The following KAT14 variants were observed in gnomAD, a reference collection of about 807,000 sequenced individuals.
KAT14 encodes the protein cysteine-rich protein 2-binding protein.
A neutral mutation model predicts 78.4 loss-of-function variants in KAT14; 66 were observed. The ratio of observed to expected loss-of-function variants is 0.84; its 90% CI spans 0.69 to 1.03. The LOEUF is 1.03. Ranked by LOEUF, KAT14 falls within the 50% of genes least tolerant of loss-of-function variation. The probability of loss-of-function intolerance (pLI) is 0.00; values close to 1 mark genes in which losing one functional copy is unlikely to be tolerated. For missense variants in KAT14, 870 were observed against 972.5 expected, an observed-to-expected ratio of 0.89 and a Z score of 1.40; for synonymous variants, 344 against 359.4, an observed-to-expected ratio of 0.96 and a Z score of 0.48.
Position 18,162,782 on chromosome 20 carries a change from A to T in KAT14, c.1505A>T (p.Asp502Val), listed in dbSNP as rs1456882776. The change falls in exon 7 of 11, where the codon GAT becomes GTT. Residue 502 changes from aspartate to valine, a missense_variant. Coordinates refer to ENST00000688188, the MANE Select transcript of KAT14 (RefSeq NM_001392073.1). Reference protein sequence around the residue: ...RKLIVRQAKRDRGLPLFDLDQ... With the variant: ...RKLIVRQAKRVRGLPLFDLDQ... ...CTGATTGTCAGACAAGCGAAAAGGGATAGGGGATTACCACTTTTTGACTTG... is the reference window on the plus strand; with the variant it reads ...CTGATTGTCAGACAAGCGAAAAGGGTTAGGGGATTACCACTTTTTGACTTG... 1.9e-6 allele frequency: 3 copies of T among 1,614,190 alleles called. No homozygotes were observed. Among genetic ancestry groups the T allele is most frequent in the Admixed American group, 1.7e-5 (1 of 60,026 alleles).
At chr20:18,138,334 A>G (rs1228384920) in intron 1 of KAT14, 3 of 1,122,828 alleles carry the variant, frequency 2.7e-6, no homozygotes, top group Non-Finnish European at 3.3e-6. Context: ...TGCTCCGCAC[A>G]GGCACGGCAC....
intron 2 of KAT14, chr20:18,143,208 A>G (rs1229466819): frequency 1.8e-6 from 2 of 1,123,312 alleles, no homozygotes; most frequent in Non-Finnish European, 2.2e-6. Flanking sequence ...TTTTTCTAAC[A>G]AGGTCACAGA....
At position 18,143,789 on chromosome 20, in the gene KAT14, G is replaced by A. The variant is rs778561739; in HGVS notation, c.259+870G>A. 7.2e-5 allele frequency among the ~76,000 whole-genome samples: 11 copies of A among 151,950 alleles called. No individual in the cohort carries two copies. The East Asian group carries it at 1.4e-3, about 19-fold the overall frequency. On this transcript the variant is annotated intron_variant, in intron 2 of 10. Transcript: ENST00000688188. Reference sequence around the variant, plus strand: ...ATTACAGGCATGCGCCACCATGCCCGGCCAATTTTGTATTTTTAGTAGAGA... The same window carrying A: ...ATTACAGGCATGCGCCACCATGCCCAGCCAATTTTGTATTTTTAGTAGAGA...
rs201858697 is a variant in KAT14 at position 18,143,615 on chromosome 20, A to ATTTTT, written c.259+703_259+707dup. Among the ~76,000 whole-genome samples, 898 of 103,628 alleles carry ATTTTT rather than the reference A, an allele frequency of 8.7e-3. 108 individuals are homozygous for ATTTTT. Among genetic ancestry groups the ATTTTT allele is most frequent in the South Asian group, 0.012 (40 of 3,228 alleles). The allele number at this position is 103,628 out of a possible 152,430, so 68.0% of individuals were successfully genotyped here. A position where few individuals can be genotyped will look rare whatever the true frequency, so the allele number is the denominator to read the frequency against. On this transcript the variant is annotated intron_variant, in intron 2 of 10. Transcript: ENST00000688188. ...TAGTGTTTGCCAGCACACCTGGCTA[A>ATTTTT]TTTTTTTTTTTATTTTATTTTTTTT...
intron 7 of KAT14, among the ~76,000 whole-genome samples, chr20:18,170,496 T>C (rs1055245513): frequency 3.3e-5 from 5 of 152,246 alleles, no homozygotes; most frequent in African/African-American, 1.2e-4. Flanking sequence ...GTTTACTGAA[T>C]ATTCTAAGCC....
chr20:18,183,328 C>A, intron 9 of KAT14, 30 bp downstream of exon 9: 1 of 1,603,750 alleles, frequency 6.2e-7, no homozygotes, highest in South Asian at 1.1e-5. Flanking sequence ...CCAGGCAGGT[C>A]ATTTTTCTGT....
intron 2 of KAT14, among the ~76,000 whole-genome samples, chr20:18,143,485 A>C (rs1055053339): frequency 1.4e-5 from 2 of 142,268 alleles, no homozygotes; most frequent in Non-Finnish European, 3.1e-5. Flanking sequence ...TTTTTTTTTG[A>C]GATGGAGTTT....
chr20:18,184,917 G>C, intron 10 of KAT14, 125 bp downstream of exon 10: 1 of 1,031,884 alleles, frequency 9.7e-7, no homozygotes, highest in Non-Finnish European at 1.3e-6. Flanking sequence ...TGTAAACCAA[G>C]TGAAGAAAGC....
chr20:18,140,503 T>C (rs2037491590), intron 1 of KAT14, among the ~76,000 whole-genome samples: 1 of 152,022 alleles, frequency 6.6e-6, no homozygotes, highest in Non-Finnish European at 1.5e-5. Context: ...CTACTCTATA[T>C]AGCCACTATT....
At position 18,183,173 on chromosome 20, in the gene KAT14, G is replaced by C; in HGVS notation, c.1856G>C (p.Arg619Pro). 1 of 1,613,746 alleles carries C rather than the reference G, an allele frequency of 6.2e-7. No homozygotes were observed. The highest frequency in any genetic ancestry group is 8.5e-7 in the Non-Finnish European group (1 of 1,179,904). The change falls in exon 9 of 11, where the codon CGT (arginine) becomes CCT (proline). Residue 619 changes from arginine (R) to proline (P), a missense_variant. Physicochemically the swap from Arg to Pro is moderately radical, Grantham distance 103. Coordinates refer to ENST00000688188, the MANE Select transcript of KAT14 (RefSeq NM_001392073.1). ...PPKLQLLSQI[R>P]SHLHRSDPHW... ...AAACTGCAGCTCCTGTCACAGATTCGTTCCCACCTGCACAGGAGCGACCCT... is the reference window on the plus strand; with the variant it reads ...AAACTGCAGCTCCTGTCACAGATTCCTTCCCACCTGCACAGGAGCGACCCT...
intron 9 of KAT14, 30 bp downstream of exon 9, chr20:18,183,328 C>T (rs368359345): frequency 6.9e-6 from 11 of 1,603,632 alleles, no homozygotes; most frequent in East Asian, 4.5e-5. Flanking sequence ...CCAGGCAGGT[C>T]ATTTTTCTGT....
Position 18,170,879 on chromosome 20 carries a change from T to A in KAT14, c.1668+7934T>A, listed in dbSNP as rs78744045. ...AAACAATTACTGCTCATTGACAATG[T>A]ACCTGGTCACCCAAGAGTTCTGATT... On this transcript the variant is annotated intron_variant, in intron 7 of 10. Transcript: ENST00000688188. Among the ~76,000 whole-genome samples, 416 of 152,346 alleles carry A rather than the reference T, an allele frequency of 2.7e-3. 1 individual carries two copies. The highest frequency in any genetic ancestry group is 9.5e-3 in the African/African-American group (393 of 41,580).
chr20:18,155,855 AATG>A, intron 4 of KAT14, among the ~76,000 whole-genome samples: 1 of 152,338 alleles, frequency 6.6e-6, no homozygotes, highest in Non-Finnish European at 1.5e-5. Flanking sequence ...TTAAAAATAT[AATG>A]ATCATATGAT....
chr20:18,178,348 C>T (rs914372925), intron 7 of KAT14, among the ~76,000 whole-genome samples: 1 of 152,106 alleles, frequency 6.6e-6, no homozygotes, highest in African/African-American at 2.4e-5. Context: ...GAGTGATATT[C>T]TACATCACTC....
intron 7 of KAT14, among the ~76,000 whole-genome samples, chr20:18,176,170 C>T (rs769797488): frequency 4.6e-5 from 7 of 151,968 alleles, no homozygotes; most frequent in Non-Finnish European, 7.4e-5. Context: ...GGCATGCTGG[C>T]GCGTGCCTGT....
In KAT14 at chr20:18,143,626, TA is replaced by T. The variant is rs368233363; in HGVS notation, c.259+708del. 1.1e-3 allele frequency among the ~76,000 whole-genome samples: 162 copies of T among 143,128 alleles called. 17 individuals are homozygous for T. Among genetic ancestry groups the T allele is most frequent in the African/African-American group, 2.2e-3 (81 of 37,544 alleles). The allele number at this position is 143,128 out of a possible 152,430, so 93.9% of individuals were successfully genotyped here. The stretch of plus-strand genomic sequence containing the variant: ...AGCACACCTGGCTAATTTTTTTTTT[TA>T]TTTTATTTTTTTTTTTTGAGACGGA... On this transcript the variant is annotated intron_variant, in intron 2 of 10. Coordinates refer to ENST00000688188, the MANE Select transcript of KAT14 (RefSeq NM_001392073.1).
At position 18,183,292 on chromosome 20, in the gene KAT14, T is replaced by A. The variant is rs1401455567; in HGVS notation, c.1975T>A (p.Trp659Arg). Residue 659 changes from tryptophan to arginine, a missense_variant, in exon 9 of 11, where the codon TGG becomes AGG. Coordinates refer to ENST00000688188, the MANE Select transcript of KAT14 (RefSeq NM_001392073.1). ...CAACTCCATGTGTCAGGAGTTTTTTTGGCCTGGTATGTTCCCCCTCCCAAA... is the reference window on the plus strand; with the variant it reads ...CAACTCCATGTGTCAGGAGTTTTTTAGGCCTGGTATGTTCCCCCTCCCAAA... ...TINSMCQEFF[W>R]PGIDLSECLQ... 8 of 1,613,270 alleles carry A rather than the reference T, an allele frequency of 5.0e-6. No homozygotes were observed. The highest frequency in any genetic ancestry group is 8.5e-7 in the Non-Finnish European group (1 of 1,179,490).
intron 7 of KAT14, among the ~76,000 whole-genome samples, chr20:18,178,301 C>T (rs1286680838): frequency 6.6e-6 from 1 of 152,134 alleles, no homozygotes; most frequent in East Asian, 1.9e-4. Context: ...TGTTAATCCC[C>T]AAGACAATCT....
At chr20:18,154,575 T>G (rs2038156773) in intron 4 of KAT14, among the ~76,000 whole-genome samples, 2 of 152,232 alleles carry the variant, frequency 1.3e-5, no homozygotes, top group South Asian at 4.1e-4. Context: ...ATTCTGCCAG[T>G]GCAACTGCTG....
Sources: gnomAD v4.1 joint callset for allele counts (sites outside exome capture counted in the v4.1 genomes callset) on GRCh38, gnomAD v4.1.1 for gene constraint, MANE v1.5 for transcripts, NCBI Gene and HGNC (gene_info 2026-07-23, HGNC 2026-07-21) for gene names.